Variants in FRA10AC1 observed in about 807,000 individuals in gnomAD.
FRA10AC1 encodes the protein protein FRA10AC1.
A neutral mutation model predicts 56.5 loss-of-function variants in FRA10AC1; 43 were observed. The observed-to-expected ratio is 0.76, with a 90% CI of 0.60 to 0.98. The LOEUF (loss-of-function observed/expected upper bound fraction) is 0.98. Among genes scored for constraint, FRA10AC1 ranks in the 50% least tolerant of loss-of-function variants. The pLI, the probability that FRA10AC1 is intolerant of heterozygous loss-of-function variation, is 0.00. For missense variants in FRA10AC1, 346 were observed against 351.8 expected (o/e 0.98, Z 0.13); for synonymous variants, 112 against 110.5 (o/e 1.01, Z -0.09).
At chr10:93,681,988 G>T (rs2058943451) in intron 10 of FRA10AC1, among the ~76,000 whole-genome samples, 1 of 151,724 alleles carries the variant, frequency 6.6e-6, no homozygotes, top group African/African-American at 2.4e-5. Context: ...ACACAAAGAA[G>T]AAGAAACTGC....
chr10:93,692,689 G>T lies in FRA10AC1; in HGVS notation c.337C>A (p.His113Asn), dbSNP rs764388352. ...TCCTCCTCATTCCATAGGAATCTATGATTTTCTCGTATAACATCCAAGTCT... is the reference window on the plus strand; with the variant it reads ...TCCTCCTCATTCCATAGGAATCTATTATTTTCTCGTATAACATCCAAGTCT... ...KTDLDVIREN[H>N]RFLWNEEDEM... The change falls in exon 6 of 14, where the codon CAT (histidine) becomes AAT (asparagine). Residue 113 changes from histidine to asparagine, a missense_variant. By Grantham distance (68) the His-to-Asn change is moderately conservative. Transcript: ENST00000359204. 6.3e-7 allele frequency: 1 copy of T among 1,596,050 alleles called. No homozygotes were observed. The highest frequency in any genetic ancestry group is 1.1e-5 in the South Asian group (1 of 88,088).
upstream of FRA10AC1, among the ~76,000 whole-genome samples, chr10:93,702,833 C>A (rs1480751304): frequency 6.6e-6 from 1 of 151,854 alleles, no homozygotes; most frequent in African/African-American, 2.4e-5. Flanking sequence ...TTAGCCCACG[C>A]CTCTCATTTG....
Position 93,698,174 on chromosome 10 carries a change from C to T in FRA10AC1, c.181G>A (p.Ala61Thr). 1.3e-6 allele frequency: 2 copies of T among 1,583,196 alleles called. No individual in the cohort carries two copies. The highest frequency in any genetic ancestry group is 8.6e-7 in the Non-Finnish European group (1 of 1,161,556). Residue 61 changes from alanine (A) to threonine (T), a missense_variant, in exon 4 of 14, where the codon GCA (alanine) becomes ACA (threonine). By Grantham distance (58) the Ala-to-Thr change is moderately conservative. Coordinates refer to ENST00000359204, the MANE Select transcript of FRA10AC1 (RefSeq NM_145246.5). Reference protein sequence around the residue: ...VAAELLDREEARNRRFHLIAM... With the variant: ...VAAELLDREETRNRRFHLIAM... ...ATGAGATGAAACCTTCTATTTCTTG[C>T]TTCTTCCCTGTTAAAACAAATTTTT...
intron 11 of FRA10AC1, among the ~76,000 whole-genome samples, chr10:93,679,355 T>C (rs901739772): frequency 1.3e-5 from 2 of 152,202 alleles, no homozygotes; most frequent in Non-Finnish European, 2.9e-5. Flanking sequence ...TACATCGTCA[T>C]ATGTGTAATA....
At chr10:93,676,406 T>C (rs1161715896) in intron 12 of FRA10AC1, among the ~76,000 whole-genome samples, 1 of 152,184 alleles carries the variant, frequency 6.6e-6, no homozygotes, top group African/African-American at 2.4e-5. Context: ...TTGAAAGATA[T>C]ATCCATTGTA....
chr10:93,681,295 T>A (rs1438181249), intron 11 of FRA10AC1, among the ~76,000 whole-genome samples, 185 bp downstream of exon 11: 1 of 152,200 alleles, frequency 6.6e-6, no homozygotes, highest in African/African-American at 2.4e-5. Context: ...CCTTAATTAA[T>A]TTAGAGGAGT....
chr10:93,670,210 T>C (rs555702519), intron 13 of FRA10AC1, among the ~76,000 whole-genome samples: 10 of 152,126 alleles, frequency 6.6e-5, no homozygotes, highest in Non-Finnish European at 1.2e-4. Flanking sequence ...TTTTAAATTA[T>C]AGTCTGCTCA....
Position 93,668,067 on chromosome 10 carries a change from A to G in FRA10AC1, c.*1759T>C, listed in dbSNP as rs1039938141. 4 of 152,182 alleles carry G rather than the reference A, an allele frequency of 2.6e-5. No individual in the cohort carries two copies. The highest frequency in any genetic ancestry group is 5.9e-5 in the Non-Finnish European group (4 of 68,018). 9.4% of individuals were successfully genotyped at this position (152,182 alleles called of 1,614,324 possible). ...CCTCACATATAATAGAAGCCTGATAAATATTTGTGGAATTAATGAATAACT... is the reference window on the plus strand; with the variant it reads ...CCTCACATATAATAGAAGCCTGATAGATATTTGTGGAATTAATGAATAACT... On this transcript the variant is annotated 3_prime_UTR_variant, in exon 14 of 14. Transcript: ENST00000359204.
At position 93,683,709 on chromosome 10, in the gene FRA10AC1, C is replaced by A. The variant is rs1238708882; in HGVS notation, c.668+347G>T. 2.6e-5 allele frequency among the ~76,000 whole-genome samples: 4 copies of A among 152,138 alleles called. No homozygotes were observed. In the South Asian group the frequency reaches 8.3e-4, roughly 32 times the overall value. On this transcript the variant is annotated intron_variant, in intron 10 of 13. Transcript: ENST00000359204. ...TCTAATCCTTTGTAAGAATGGCAAACTCCAGCTAAAACACTGTCTAAATGA... is the reference window on the plus strand; with the variant it reads ...TCTAATCCTTTGTAAGAATGGCAAAATCCAGCTAAAACACTGTCTAAATGA...
intron 8 of FRA10AC1, among the ~76,000 whole-genome samples, chr10:93,685,773 T>C (rs569278198): frequency 4.6e-5 from 7 of 151,700 alleles, no homozygotes; most frequent in African/African-American, 7.2e-5. Context: ...CACACACTTA[T>C]AGCTGGGTGA....
In FRA10AC1 at chr10:93,678,853, C is replaced by CAA. The variant is rs34627615; in HGVS notation, c.788-2164_788-2163dup. ...GGTGACAGAACAAGACCCTGTCTTACAAAAAAAAAAAAGCATTAGCTAAAG... is the reference window on the plus strand; with the variant it reads ...GGTGACAGAACAAGACCCTGTCTTACAAAAAAAAAAAAAAGCATTAGCTAAAG... On this transcript the variant is annotated intron_variant, in intron 11 of 13. Transcript: ENST00000359204. 9.0e-3 allele frequency among the ~76,000 whole-genome samples: 1,200 copies of CAA among 133,964 alleles called. 11 individuals are homozygous for CAA. Among genetic ancestry groups the CAA allele is most frequent in the South Asian group, 0.019 (81 of 4,302 alleles). 87.9% of individuals were successfully genotyped at this position (133,964 alleles called of 152,430 possible). A position where few individuals can be genotyped will look rare whatever the true frequency, so the allele number is the denominator to read the frequency against.
At position 93,702,550 on chromosome 10, in the gene FRA10AC1, G is replaced by A. The variant is rs906554935; in HGVS notation, c.-176C>T. 6.0e-5 allele frequency: 12 copies of A among 199,200 alleles called. No homozygotes were observed. The highest frequency in any genetic ancestry group is 3.4e-4 in the African/African-American group (12 of 35,468). 12.3% of individuals were successfully genotyped at this position (199,200 alleles called of 1,614,324 possible). A position where few individuals can be genotyped will look rare whatever the true frequency, so the allele number is the denominator to read the frequency against. ...GCCGCCGCCGCCGCCGCCGCCGCCC[G>A]CAACCCGCCTCTCCCTACGGGTCCC... On this transcript the variant is annotated 5_prime_UTR_variant, in exon 1 of 14. Coordinates refer to ENST00000359204, the MANE Select transcript of FRA10AC1 (RefSeq NM_145246.5).
chr10:93,694,757 T>G, intron 5 of FRA10AC1, 104 bp downstream of exon 5: 2 of 360,838 alleles, frequency 5.5e-6, no homozygotes, highest in South Asian at 2.6e-5. Flanking sequence ...CACACCGGAA[T>G]AGAAAGCAGG....
At chr10:93,680,323 T>G (rs1380261426) in intron 11 of FRA10AC1, among the ~76,000 whole-genome samples, 2 of 152,192 alleles carry the variant, frequency 1.3e-5, no homozygotes. Flanking sequence ...AAAATTTACC[T>G]TAGAGTGGAA....
At chr10:93,683,062 G>A (rs1322894026) in intron 10 of FRA10AC1, among the ~76,000 whole-genome samples, 4 of 152,142 alleles carry the variant, frequency 2.6e-5, no homozygotes, top group Non-Finnish European at 5.9e-5. Flanking sequence ...CCATCACAAA[G>A]GCAAGTTGCG....
At chr10:93,674,146 T>C (rs889258029) in intron 12 of FRA10AC1, 1 of 152,198 alleles carries the variant, frequency 6.6e-6, no homozygotes, top group African/African-American at 2.4e-5. Flanking sequence ...TAAATATATA[T>C]ATTTTTAAAA....
At position 93,700,022 on chromosome 10, in the gene FRA10AC1, T is replaced by C; in HGVS notation, c.77+8A>G. ...TGAAAAATAGATCAATAAAAAAAAA[T>C]TACTTACCTTTTTTTCCTTTTGCTG... is the stretch of plus-strand genomic sequence containing the variant. On this transcript the variant is annotated splice_region_variant and intron_variant, in intron 2 of 13. Transcript: ENST00000359204. 1.4e-6 allele frequency: 2 copies of C among 1,470,750 alleles called. No homozygotes were observed. The highest frequency in any genetic ancestry group is 1.2e-5 in the South Asian group (1 of 85,626). 91.1% of individuals were successfully genotyped at this position (1,470,750 alleles called of 1,614,324 possible).
At chr10:93,671,001 T>A in intron 12 of FRA10AC1, 153 bp from the exon 13 acceptor site, 1 of 566,664 alleles carries the variant, frequency 1.8e-6, no homozygotes, top group Non-Finnish European at 3.1e-6. Flanking sequence ...CAATAAATTC[T>A]TTTAAAACAT....
At chr10:93,686,294 T>C (rs1043642805) in intron 8 of FRA10AC1, among the ~76,000 whole-genome samples, 1 of 151,892 alleles carries the variant, frequency 6.6e-6, no homozygotes, top group African/African-American at 2.4e-5. Context: ...TAAGGCTTTG[T>C]TGTTAAAACA....
Sources: gnomAD v4.1 joint callset for allele counts (sites outside exome capture counted in the v4.1 genomes callset) on GRCh38, gnomAD v4.1.1 for gene constraint, MANE v1.5 for transcripts, NCBI Gene and HGNC (gene_info 2026-07-23, HGNC 2026-07-21) for gene names.